ARMC9: variants seen among roughly 807,000 people sequenced by gnomAD.
ARMC9 encodes the protein lisH domain-containing protein ARMC9.
In ARMC9, 94 loss-of-function variants were observed where a neutral mutation model predicts 107.0. The observed-to-expected ratio is 0.88, with a 90% CI of 0.74 to 1.04. The LOEUF (loss-of-function observed/expected upper bound fraction) is 1.04, where lower values mean the gene tolerates loss of function less well. ARMC9 is among the 50% of genes least tolerant of loss of function. The pLI is 0.00. For synonymous variants in ARMC9, 380 were observed against 396.9 expected, an observed-to-expected ratio of 0.96 and a Z score of 0.51; for missense variants, 942 against 1,030.1, an observed-to-expected ratio of 0.91 and a Z score of 1.17.
chr2:231,322,190 C>T (rs1390621808), intron 19 of ARMC9, among the ~76,000 whole-genome samples: 3 of 152,240 alleles, frequency 2.0e-5, no homozygotes, highest in African/African-American at 4.8e-5. Flanking sequence ...GGATCCCGGA[C>T]GTGCTTCCAT....
rs2041458980 is a variant in ARMC9 at position 231,297,558 on chromosome 2, G to A, written c.1773+1305G>A. On this transcript the variant is annotated intron_variant, in intron 19 of 24. Coordinates refer to ENST00000611582, the MANE Select transcript of ARMC9 (RefSeq NM_001352754.2). The surrounding 1 kb of genome is among the most constrained non-coding windows in gnomAD (Gnocchi z 4.2). ...AGTGGCTGAACGTGGCTGTGTTCCT[G>A]TAAAACTATTTATGGACGCTAAAAA... 6.6e-6 allele frequency among the ~76,000 whole-genome samples: 1 copy of A among 152,236 alleles called. No homozygotes were observed. The highest frequency in any genetic ancestry group is 2.1e-4 in the South Asian group (1 of 4,836).
chr2:231,238,431 C>T (rs1046892790), intron 8 of ARMC9, among the ~76,000 whole-genome samples: 2 of 152,206 alleles, frequency 1.3e-5, no homozygotes, highest in Non-Finnish European at 2.9e-5. Flanking sequence ...CTCACTGCAG[C>T]CTCGGCCTCC....
intron 16 of ARMC9, among the ~76,000 whole-genome samples, 164 bp from the exon 17 acceptor site, chr2:231,281,895 A>C (rs1315964293): frequency 6.6e-6 from 1 of 152,168 alleles, no homozygotes; most frequent in Non-Finnish European, 1.5e-5. Context: ...GCAGATGGAG[A>C]TGTCTGTCAC....
rs1276076307 is a variant in ARMC9, at chr2:231,331,800, A to G, written c.1781A>G (p.His594Arg). The stretch of plus-strand genomic sequence containing the variant: ...CCATGTCTCCTGAAACAGGAGGACC[A>G]TGACATCATGGAAGCCGATCTGGAC... Reference protein sequence around the residue: ...DDEDEDDEEDHDIMEADLDKD... With the variant: ...DDEDEDDEEDRDIMEADLDKD... Residue 594 changes from histidine to arginine, a missense_variant, in exon 20 of 25, where the codon CAT (histidine) becomes CGT (arginine). Coordinates refer to ENST00000611582, the MANE Select transcript of ARMC9 (RefSeq NM_001352754.2). 2 of 1,613,778 alleles carry G rather than the reference A, an allele frequency of 1.2e-6. No individual in the cohort carries two copies. Among genetic ancestry groups the G allele is most frequent in the Non-Finnish European group, 1.7e-6 (2 of 1,179,866 alleles).
Position 231,214,824 on chromosome 2 carries a change from T to A in ARMC9, c.178-7T>A, listed in dbSNP as rs939136238. 2 of 1,613,284 alleles carry A rather than the reference T, an allele frequency of 1.2e-6. No individual in the cohort carries two copies. The highest frequency in any genetic ancestry group is 1.7e-5 in the Admixed American group (1 of 59,962). ...ACGAGGTATGTAGTCTGATGTCTTC[T>A]CCACAGAAGGATCTTGTCGCTGCAT... On this transcript the variant is annotated splice_polypyrimidine_tract_variant and splice_region_variant and intron_variant, in intron 3 of 24. Transcript: ENST00000611582.
chr2:231,322,979 G>A (rs927653400), intron 19 of ARMC9, among the ~76,000 whole-genome samples: 6 of 152,118 alleles, frequency 3.9e-5, no homozygotes, highest in Non-Finnish European at 7.4e-5. Flanking sequence ...TGCCCTTGTC[G>A]CCCAGTGCAC....
At chr2:231,278,590 C>G (rs550903177) in intron 16 of ARMC9, 132 bp downstream of exon 16, 1 of 729,644 alleles carries the variant, frequency 1.4e-6, no homozygotes, top group East Asian at 2.8e-5. Flanking sequence ...CTCTGTCCTT[C>G]TGGGATTTTC....
chr2:231,328,776 T>C (rs1185455218), intron 19 of ARMC9, among the ~76,000 whole-genome samples: 3 of 151,002 alleles, frequency 2.0e-5, no homozygotes, highest in African/African-American at 7.3e-5. Context: ...TTCTTCTTTT[T>C]CAAAGTTGTC....
intron 9 of ARMC9, among the ~76,000 whole-genome samples, chr2:231,249,716 A>G (rs769924965): frequency 6.6e-6 from 1 of 152,148 alleles, no homozygotes; most frequent in Non-Finnish European, 1.5e-5. Flanking sequence ...GGGTTACTAC[A>G]TTAGTTGTTC....
intron 21 of ARMC9, among the ~76,000 whole-genome samples, chr2:231,349,644 C>T (rs114612878): frequency 0.013 from 2,026 of 151,960 alleles, 46 homozygotes; most frequent in African/African-American, 0.046. Flanking sequence ...TAACCAGGTG[C>T]GGTAGCGAGT....
intron 9 of ARMC9, among the ~76,000 whole-genome samples, chr2:231,241,282 T>G (rs2036276813): frequency 6.6e-6 from 1 of 152,202 alleles, no homozygotes; most frequent in Non-Finnish European, 1.5e-5. Flanking sequence ...CATCCCTGAA[T>G]CACCTAGGCC....
intron 19 of ARMC9, among the ~76,000 whole-genome samples, chr2:231,318,075 T>G (rs972568500): frequency 6.6e-6 from 1 of 151,822 alleles, no homozygotes; most frequent in Admixed American, 6.6e-5. Context: ...GTAATGCATT[T>G]GGTTGACAAC....
At chr2:231,207,161 T>C (rs1271852853) in intron 2 of ARMC9, among the ~76,000 whole-genome samples, 1 of 151,764 alleles carries the variant, frequency 6.6e-6, no homozygotes, top group Non-Finnish European at 1.5e-5. Context: ...TGCACCACCA[T>C]GCTCAGCTAG....
At chr2:231,349,611 GTC>G (rs1189286820) in intron 21 of ARMC9, among the ~76,000 whole-genome samples, 2 of 150,354 alleles carry the variant, frequency 1.3e-5, no homozygotes, top group Non-Finnish European at 2.9e-5. Context: ...GTAAAACCCT[GTC>G]TCTACTAAAA....
At chr2:231,207,092 ACTC>A (rs1392146725) in intron 2 of ARMC9, among the ~76,000 whole-genome samples, 1 of 152,094 alleles carries the variant, frequency 6.6e-6, no homozygotes, top group African/African-American at 2.4e-5. Flanking sequence ...GTAGCCTTGA[ACTC>A]CTGGGCTCAA....
intron 19 of ARMC9, among the ~76,000 whole-genome samples, chr2:231,330,653 G>A (rs1013980736): frequency 7.9e-5 from 12 of 152,196 alleles, no homozygotes; most frequent in Non-Finnish European, 1.3e-4. Flanking sequence ...TGGGGTGTGC[G>A]GCCCAGCCTG....
At chr2:231,205,886 A>G (rs985388242) in intron 1 of ARMC9, among the ~76,000 whole-genome samples, 1 of 152,076 alleles carries the variant, frequency 6.6e-6, no homozygotes, top group Non-Finnish European at 1.5e-5. Flanking sequence ...GTGGCTGTTG[A>G]GTCTTTCTCA....
chr2:231,323,334 G>T (rs1221372346), intron 19 of ARMC9, among the ~76,000 whole-genome samples: 1 of 152,198 alleles, frequency 6.6e-6, no homozygotes, highest in Non-Finnish European at 1.5e-5. Flanking sequence ...CCTCAGAGTT[G>T]TTTTCATCTG....
intron 19 of ARMC9, among the ~76,000 whole-genome samples, chr2:231,319,532 T>A (rs1271802693): frequency 1.3e-5 from 2 of 152,178 alleles, no homozygotes; most frequent in African/African-American, 4.8e-5. Flanking sequence ...CACCTGGCGG[T>A]CCCAGGCGCC....
Sources: allele counts gnomAD v4.1 joint callset (sites outside exome capture counted in the v4.1 genomes callset), GRCh38; gene constraint gnomAD v4.1.1; non-coding constraint Gnocchi (gnomAD v3.1); transcripts MANE v1.5; gene names NCBI Gene and HGNC (gene_info 2026-07-23, HGNC 2026-07-21).